Variants in TCF7 observed in about 807,000 individuals in gnomAD.
TCF7 encodes transcription factor 7.
TCF7 carries 19 observed loss-of-function variants against 46.8 expected under a neutral mutation model. That is an observed-to-expected ratio of 0.41 (90% CI 0.28 to 0.60). TCF7 has a LOEUF of 0.60. Ranked by LOEUF, TCF7 falls within the 20% of genes least tolerant of loss-of-function variation. The pLI, the probability that TCF7 is intolerant of heterozygous loss-of-function variation, is 0.35. For missense variants in TCF7, 547 were observed against 504.6 expected, an observed-to-expected ratio of 1.08 and a Z score of -0.81; for synonymous variants, 245 against 213.4, an observed-to-expected ratio of 1.15 and a Z score of -1.29.
chr5:134,108,930 C>G, the TCF7 span, among the ~76,000 whole-genome samples: 1 of 152,148 alleles, frequency 6.6e-6, no homozygotes, highest in African/African-American at 2.4e-5. Flanking sequence ...GACCTAGGAC[C>G]TCCTTCCTCC....
intron 2 of TCF7, 54 bp downstream of exon 2, chr5:134,115,441 G>A: frequency 6.4e-7 from 1 of 1,550,682 alleles, no homozygotes; most frequent in Non-Finnish European, 8.7e-7. Context: ...CCTGGCCTCG[G>A]TGGGACGGGG....
At chr5:134,145,966 GGAAGACAGATGACA>G in intron 9 of TCF7, 1 of 1,474,914 alleles carries the variant, frequency 6.8e-7, no homozygotes, top group Non-Finnish European at 8.9e-7. Context: ...TGACTCCCTT[GGAAGACAGATGACA>G]GCCCATAGGC....
chr5:134,120,648 GGGCTCAA>G (rs1198681080), intron 3 of TCF7, among the ~76,000 whole-genome samples: 1 of 152,152 alleles, frequency 6.6e-6, no homozygotes, highest in African/African-American at 2.4e-5. Context: ...TCCTCACTCA[GGGCTCAA>G]TTCAGATGTC....
At chr5:134,140,708 G>T in intron 5 of TCF7, 1 of 437,984 alleles carries the variant, frequency 2.3e-6, no homozygotes. Context: ...TCACAGGATG[G>T]GTCAAGGCCT....
intron 3 of TCF7, among the ~76,000 whole-genome samples, chr5:134,131,300 C>T (rs1758088402): frequency 6.6e-6 from 1 of 152,340 alleles, no homozygotes. Flanking sequence ...CCCACATGTG[C>T]GAAATGGGAA....
intron 3 of TCF7, among the ~76,000 whole-genome samples, chr5:134,131,220 C>G (rs927982339): frequency 1.3e-5 from 2 of 152,158 alleles, no homozygotes; most frequent in East Asian, 3.9e-4. Flanking sequence ...ATAAAGGGCC[C>G]TGGCACTGAC....
rs150536775 is a variant in TCF7, at chr5:134,142,197, A to C, written c.648A>C (p.Pro216=). The C allele has an allele frequency of 1.2e-5, 20 of 1,613,940 alleles. No homozygotes were observed. In the African/African-American group the frequency reaches 2.7e-4, roughly 22 times the overall value. The stretch of plus-strand genomic sequence containing the variant: ...TTCCTGCCTCCAGGTTCACCCACCC[A>C]TCCTTGATGCTAGGTTCTGGTGTAC... ...LPHTVSWFTH[P]SLMLGSGVPG... is the part of the protein sequence containing the mutation. Residue 216 remains proline (P), a synonymous_variant, in exon 6 of 10, where the codon CCA becomes CCC. Transcript: ENST00000342854.
At chr5:134,143,968 T>C in intron 9 of TCF7, 1 of 289,804 alleles carries the variant, frequency 3.5e-6, no homozygotes, top group Non-Finnish European at 6.6e-6. Flanking sequence ...GTTTGATGCT[T>C]AGCCCAAACA....
rs549971329 is a variant in TCF7, at chr5:134,146,699, A to C, written c.*396A>C. 1.6e-6 allele frequency: 1 copy of C among 616,872 alleles called. No individual in the cohort carries two copies. Among genetic ancestry groups the C allele is most frequent in the East Asian group, 2.7e-5 (1 of 36,664 alleles). 38.2% of individuals were successfully genotyped at this position (616,872 alleles called of 1,614,324 possible). On this transcript the variant is annotated 3_prime_UTR_variant, in exon 10 of 10. Coordinates refer to ENST00000342854, the MANE Select transcript of TCF7 (RefSeq NM_003202.5). ...GGGGTCATCGATTCAAACTGCTCCA[A>C]GTGGTGGGAATCAGATCTGTCTTGA...
chr5:134,145,016 A>C, intron 9 of TCF7: 1 of 712,494 alleles, frequency 1.4e-6, no homozygotes, highest in Non-Finnish European at 2.5e-6. Flanking sequence ...TCCTGAGAAT[A>C]GTAGTAAATA....
intron 3 of TCF7, among the ~76,000 whole-genome samples, chr5:134,117,834 G>T (rs887708806): frequency 3.9e-5 from 6 of 152,040 alleles, no homozygotes; most frequent in South Asian, 2.1e-4. Flanking sequence ...TCCTCCCCGC[G>T]CAGCCACAGT....
chr5:134,141,216 G>A (rs1759707414), intron 5 of TCF7: 1 of 158,442 alleles, frequency 6.3e-6, no homozygotes, highest in Non-Finnish European at 1.4e-5. Flanking sequence ...CATCCCCTGA[G>A]CTTTGCCCAA....
intron 3 of TCF7, among the ~76,000 whole-genome samples, chr5:134,130,738 A>G (rs971724028): frequency 1.3e-5 from 2 of 152,134 alleles, no homozygotes; most frequent in African/African-American, 4.8e-5. Flanking sequence ...CCTAACCTGT[A>G]TGCTGCAGTG....
In TCF7 at chr5:134,145,173, C is replaced by T. The variant is rs571838316; in HGVS notation, c.1076-1051C>T. 24 of 612,546 alleles carry T rather than the reference C, an allele frequency of 3.9e-5. No individual in the cohort carries two copies. The African/African-American group carries it at 4.3e-4, about 11-fold the overall frequency. The allele number at this position is 612,546 out of a possible 1,614,324, so 37.9% of individuals were successfully genotyped here. ...TAGCAGGTCCTCAGCAAACAGACAG[C>T]TCAGCCACCACTAAGGGGGCCTGGA... On this transcript the variant is annotated intron_variant, in intron 9 of 9. Transcript: ENST00000342854.
intron 3 of TCF7, among the ~76,000 whole-genome samples, chr5:134,118,366 G>T (rs755224219): frequency 2.6e-5 from 4 of 152,134 alleles, no homozygotes; most frequent in African/African-American, 9.7e-5. Context: ...CCCTTTGCCC[G>T]GCCCTCTCTG....
chr5:134,109,957 C>A (rs1039006267), upstream of TCF7, among the ~76,000 whole-genome samples: 3 of 152,090 alleles, frequency 2.0e-5, no homozygotes, highest in Non-Finnish European at 4.4e-5. Flanking sequence ...GGACCTGGCA[C>A]ACAGTGGCCA....
In TCF7 at chr5:134,114,852, CGCGCCCCGCACTCCCGGCGCCCA is replaced by C. The variant is rs1275998939; in HGVS notation, c.-45_-23del. On this transcript the variant is annotated 5_prime_UTR_variant, in exon 1 of 10. Coordinates refer to ENST00000342854, the MANE Select transcript of TCF7 (RefSeq NM_003202.5). Reference sequence around the variant, plus strand: ...GGCTCGCCGCCCCCCGGGCCGGCTCCGCGCCCCGCACTCCCGGCGCCCAGCGCCCCGCGCCCCGGCGGGCGGAG... The same window carrying C: ...GGCTCGCCGCCCCCCGGGCCGGCTCCGCGCCCCGCGCCCCGGCGGGCGGAG... 30 of 982,420 alleles carry C rather than the reference CGCGCCCCGCACTCCCGGCGCCCA, an allele frequency of 3.1e-5. No individual in the cohort carries two copies. Among genetic ancestry groups the C allele is most frequent in the Non-Finnish European group, 3.5e-5 (29 of 829,526 alleles). The allele number at this position is 982,420 out of a possible 1,614,324, so 60.9% of individuals were successfully genotyped here.
At chr5:134,140,703 G>A in intron 5 of TCF7, 1 of 427,264 alleles carries the variant, frequency 2.3e-6, no homozygotes, top group Non-Finnish European at 4.7e-6. Flanking sequence ...CTGTCTCACA[G>A]GATGGGTCAA....
chr5:134,115,673 A>G, intron 2 of TCF7: 2 of 1,428,664 alleles, frequency 1.4e-6, no homozygotes, highest in East Asian at 2.6e-5. Context: ...GAATTGGCCA[A>G]GGTTTCTTGG....
Sources: allele counts gnomAD v4.1 joint callset (sites outside exome capture counted in the v4.1 genomes callset), GRCh38; gene constraint gnomAD v4.1.1; transcripts MANE v1.5; gene names NCBI Gene and HGNC (gene_info 2026-07-23, HGNC 2026-07-21).